ZFAND3: variants seen among roughly 807,000 people sequenced by gnomAD.
ZFAND3 encodes the protein zinc finger AN1-type containing 3.
In ZFAND3, 10 loss-of-function variants were observed where a neutral mutation model predicts 29.6. That is an observed-to-expected ratio of 0.34 (90% confidence interval 0.21 to 0.57). The LOEUF (loss-of-function observed/expected upper bound fraction) is 0.57. Ranked by LOEUF, ZFAND3 falls within the 20% of genes least tolerant of loss-of-function variation. The probability of loss-of-function intolerance (pLI) is 0.86; values close to 1 mark genes in which losing one functional copy is unlikely to be tolerated. For missense variants in ZFAND3, 230 were observed against 304.5 expected (o/e 0.76, Z 1.82); for synonymous variants, 128 against 112.6 (o/e 1.14, Z -0.87).
chr6:38,024,900 G>A (rs1397383873), intron 2 of ZFAND3, among the ~76,000 whole-genome samples: 1 of 152,202 alleles, frequency 6.6e-6, no homozygotes, highest in Non-Finnish European at 1.5e-5. Flanking sequence ...GTCAAACAAA[G>A]TTGTAAATGC....
At chr6:37,855,976 T>A (rs1764374457) in intron 1 of ZFAND3, among the ~76,000 whole-genome samples, 1 of 152,128 alleles carries the variant, frequency 6.6e-6, no homozygotes, top group Admixed American at 6.5e-5. Flanking sequence ...CTTTTAGACC[T>A]ATTTCCTGAC....
chr6:38,027,451 A>G (rs2645115), intron 2 of ZFAND3, among the ~76,000 whole-genome samples: 132,857 of 152,202 alleles, frequency 0.87, 58,820 homozygotes, highest in East Asian at 0.96. Context: ...ATTTTAGTCT[A>G]CAACTTGCCT....
intron 1 of ZFAND3, among the ~76,000 whole-genome samples, chr6:37,845,258 G>A (rs77603931): frequency 0.01 from 1,557 of 152,194 alleles, 9 homozygotes; most frequent in Non-Finnish European, 0.016. Context: ...GGAGGCAGAC[G>A]TAACTGAATT....
chr6:38,153,751 C>T lies in ZFAND3; in HGVS notation c.*1362C>T. 1.0e-6 allele frequency: 1 copy of T among 985,492 alleles called. No homozygotes were observed. Among genetic ancestry groups the T allele is most frequent in the Non-Finnish European group, 1.2e-6 (1 of 829,992 alleles). The allele number at this position is 985,492 out of a possible 1,614,324, so 61.0% of individuals were successfully genotyped here. On this transcript the variant is annotated 3_prime_UTR_variant, in exon 6 of 6. Coordinates refer to ENST00000287218, the MANE Select transcript of ZFAND3 (RefSeq NM_021943.3). ...GGGGCTGGGGCTGGGTGGACAGGAT[C>T]AGGATTCCCTTGAAAGCCCAGGCAG...
At chr6:38,046,310 A>G (rs1203673032) in intron 2 of ZFAND3, among the ~76,000 whole-genome samples, 1 of 152,234 alleles carries the variant, frequency 6.6e-6, no homozygotes, top group African/African-American at 2.4e-5. Flanking sequence ...GTTTAGTGCT[A>G]TCTGAAGGAA....
chr6:37,995,126 A>G (rs1263730531), intron 2 of ZFAND3, among the ~76,000 whole-genome samples: 1 of 152,184 alleles, frequency 6.6e-6, no homozygotes, highest in Non-Finnish European at 1.5e-5. Context: ...GAGCATATTA[A>G]TTATATGGGT....
chr6:38,065,629 T>A (rs1317557660), intron 3 of ZFAND3, among the ~76,000 whole-genome samples: 1 of 152,236 alleles, frequency 6.6e-6, no homozygotes, highest in East Asian at 1.9e-4. Context: ...CATTAAAACT[T>A]AGAGAGGTTC....
chr6:37,988,257 G>A (rs1762703005), intron 2 of ZFAND3, among the ~76,000 whole-genome samples: 1 of 152,142 alleles, frequency 6.6e-6, no homozygotes, highest in African/African-American at 2.4e-5. Flanking sequence ...GAAGCACATA[G>A]GATTCTTTCT....
At chr6:38,097,666 A>G (rs1031767052) in intron 4 of ZFAND3, among the ~76,000 whole-genome samples, 6 of 152,172 alleles carry the variant, frequency 3.9e-5, no homozygotes, top group African/African-American at 1.4e-4. Flanking sequence ...AGGAAGTGAG[A>G]TAATTTATCT....
At chr6:37,900,194 C>T (rs1042282793) in intron 1 of ZFAND3, among the ~76,000 whole-genome samples, 1 of 152,028 alleles carries the variant, frequency 6.6e-6, no homozygotes, top group African/African-American at 2.4e-5. Flanking sequence ...CTGCAGAAAC[C>T]CTTGCAATAC....
At chr6:37,912,409 T>C (rs1310688096) in intron 1 of ZFAND3, among the ~76,000 whole-genome samples, 4 of 152,188 alleles carry the variant, frequency 2.6e-5, no homozygotes, top group South Asian at 4.1e-4. Flanking sequence ...AATATACATA[T>C]GGCATTTAGC....
chr6:37,841,034 C>T (rs1764063611), intron 1 of ZFAND3, among the ~76,000 whole-genome samples: 1 of 152,132 alleles, frequency 6.6e-6, no homozygotes, highest in Non-Finnish European at 1.5e-5. Context: ...CCCTTTGTGA[C>T]TTCAAGATAC....
intron 4 of ZFAND3, among the ~76,000 whole-genome samples, chr6:38,115,278 A>G (rs1460175271): frequency 2.6e-5 from 4 of 152,338 alleles, no homozygotes; most frequent in African/African-American, 9.6e-5. Flanking sequence ...TACCACAGGT[A>G]GGAGACAATA....
Position 37,819,972 on chromosome 6 carries a change from C to G in ZFAND3, c.27C>G (p.Ser9Arg). The G allele has an allele frequency of 8.2e-7, 1 of 1,221,792 alleles. No individual in the cohort carries two copies. The highest frequency in any genetic ancestry group is 1.0e-6 in the Non-Finnish European group (1 of 981,720). The allele number at this position is 1,221,792 out of a possible 1,614,324, so 75.7% of individuals were successfully genotyped here. Residue 9 changes from serine to arginine, a missense_variant, in exon 1 of 6, where the codon AGC becomes AGG. Around this residue, in one of 2 missense-constraint regions of ZFAND3, gnomAD observed 180 missense variants for 202.5 expected, o/e 0.89. Coordinates refer to ENST00000287218, the MANE Select transcript of ZFAND3 (RefSeq NM_021943.3). MGDAGSERSKAPSLPPRCP... is the reference protein window; with the variant it reads MGDAGSERRKAPSLPPRCP... ...TGGGAGACGCTGGGAGCGAGCGCAG[C>G]AAAGCGCCCAGCCTGCCGCCTCGCT...
At chr6:38,006,832 G>A (rs965087916) in intron 2 of ZFAND3, among the ~76,000 whole-genome samples, 1 of 151,946 alleles carries the variant, frequency 6.6e-6, no homozygotes, top group African/African-American at 2.4e-5. Flanking sequence ...AGACTCATCC[G>A]AGAGGATCAG....
At chr6:38,144,210 TAATATATAA>T (rs1766044070) in intron 5 of ZFAND3, among the ~76,000 whole-genome samples, 4 of 37,054 alleles carry the variant, frequency 1.1e-4, no homozygotes, top group East Asian at 8.3e-4. Flanking sequence ...TATATATATA[TAATATATAA>T]TATATATATA....
At chr6:37,935,418 AT>A (rs1486270657) in intron 2 of ZFAND3, among the ~76,000 whole-genome samples, 1 of 152,202 alleles carries the variant, frequency 6.6e-6, no homozygotes, top group East Asian at 1.9e-4. Flanking sequence ...GTAAATGAAT[AT>A]AAAAAGCGAG....
chr6:38,101,111 T>G (rs1765084148), intron 4 of ZFAND3, among the ~76,000 whole-genome samples: 1 of 152,236 alleles, frequency 6.6e-6, no homozygotes, highest in Admixed American at 6.5e-5. Context: ...GATGGTTGAA[T>G]TGAGGTTACA....
chr6:38,014,097 G>C (rs796911415), intron 2 of ZFAND3, among the ~76,000 whole-genome samples: 1 of 152,176 alleles, frequency 6.6e-6, no homozygotes, highest in African/African-American at 2.4e-5. Context: ...CAAGGGGAGA[G>C]AGAGAGAATG....
Sources: allele counts gnomAD v4.1 joint callset (sites outside exome capture counted in the v4.1 genomes callset), GRCh38; gene constraint gnomAD v4.1.1; regional missense constraint gnomAD v4.1.1; transcripts MANE v1.5; gene names NCBI Gene and HGNC (gene_info 2026-07-23, HGNC 2026-07-21).